Variants in NTRK3 observed in about 807,000 individuals in gnomAD.
NTRK3 encodes NT-3 growth factor receptor.
In NTRK3, 24 loss-of-function variants were observed where a neutral mutation model predicts 91.7. The observed-to-expected ratio is 0.26, with a 90% CI of 0.19 to 0.37. NTRK3 has a LOEUF of 0.37. Ranked by LOEUF, NTRK3 falls within the 10% of genes least tolerant of loss-of-function variation. The pLI, the probability that NTRK3 is intolerant of heterozygous loss-of-function variation, is 1.00. For synonymous variants in NTRK3, 483 were observed against 404.0 expected (o/e 1.20, Z -2.34); for missense variants, 880 against 1,068.9 (o/e 0.82, Z 2.46).
exon 14 of NTRK3, chr15:88,032,858 C>T (rs375986311): frequency 2.2e-5 from 36 of 1,613,598 alleles, no homozygotes; most frequent in South Asian, 1.3e-4. Context: ...AGTACTTACA[C>T]GTGTCCGGCT....
At chr15:88,183,474 T>C (rs2046689933) in exon 5 of NTRK3, 2 of 1,614,074 alleles carry the variant, frequency 1.2e-6, no homozygotes, top group African/African-American at 1.3e-5. Flanking sequence ...TCCGAAGTCC[T>C]GAGTTCTTGA....
At chr15:87,879,167 C>T (rs7167523) in intron 18 of NTRK3, among the ~76,000 whole-genome samples, 94,825 of 151,732 alleles carry the variant, frequency 0.62, 29,866 homozygotes, top group Non-Finnish European at 0.67. Context: ...TTCACTTAAT[C>T]AAGTGGTCAA....
chr15:87,908,079 C>G (rs1273988682), intron 17 of NTRK3, among the ~76,000 whole-genome samples: 1 of 152,090 alleles, frequency 6.6e-6, no homozygotes, highest in East Asian at 1.9e-4. Flanking sequence ...AGTGTAAGCA[C>G]CCAAAGTGTA....
At chr15:88,033,601 A>G (rs1324839537) in intron 13 of NTRK3, among the ~76,000 whole-genome samples, 1 of 151,984 alleles carries the variant, frequency 6.6e-6, no homozygotes, top group Non-Finnish European at 1.5e-5. Context: ...GTGAGTCATC[A>G]TGCCCGGCCC....
chr15:87,939,190 C>T (rs566466285), intron 15 of NTRK3, among the ~76,000 whole-genome samples: 1 of 152,170 alleles, frequency 6.6e-6, no homozygotes, highest in African/African-American at 2.4e-5. Flanking sequence ...TGTCATGTAT[C>T]TAAGCACATT....
rs2051650716 is a variant in NTRK3 at position 88,235,680 on chromosome 15, C to T, written c.248+20226G>A. Reference sequence around the variant, plus strand: ...CAGTGTCACAGAGAAGAAGGGAGCTCTGAGAGGACCCTAGGGGGATGTCCT... The same window carrying T: ...CAGTGTCACAGAGAAGAAGGGAGCTTTGAGAGGACCCTAGGGGGATGTCCT... On this transcript the variant is annotated intron_variant, in intron 3 of 18. Coordinates refer to ENST00000394480, the Ensembl canonical transcript of NTRK3. This position sits in a 1 kb window ranked among gnomAD's most constrained non-coding sequence, Gnocchi z 5.2. 1.3e-5 allele frequency among the ~76,000 whole-genome samples: 2 copies of T among 152,160 alleles called. 1 individual carries two copies. The highest frequency in any genetic ancestry group is 1.3e-4 in the Admixed American group (2 of 15,286).
chr15:88,096,288 C>G (rs1457700201), intron 13 of NTRK3, among the ~76,000 whole-genome samples: 1 of 152,212 alleles, frequency 6.6e-6, no homozygotes, highest in African/African-American at 2.4e-5. Context: ...CCCAGCATCC[C>G]TCCATCATTT....
At chr15:87,975,986 C>G (rs2073682289) in intron 14 of NTRK3, among the ~76,000 whole-genome samples, 1 of 152,172 alleles carries the variant, frequency 6.6e-6, no homozygotes, top group South Asian at 2.1e-4. Context: ...AATGCTATCC[C>G]TTCCTCCTGA....
intron 13 of NTRK3, among the ~76,000 whole-genome samples, chr15:88,117,559 C>T (rs971826905): frequency 3.3e-5 from 5 of 152,224 alleles, no homozygotes; most frequent in African/African-American, 1.2e-4. Flanking sequence ...CTTCGTGGAC[C>T]TGTGACCTGA....
At chr15:87,954,209 G>C (rs2071443634) in intron 14 of NTRK3, among the ~76,000 whole-genome samples, 1 of 152,110 alleles carries the variant, frequency 6.6e-6, no homozygotes, top group Non-Finnish European at 1.5e-5. Flanking sequence ...GCCAGCCCTT[G>C]GGCTCTCTTT....
At chr15:88,226,137 A>T (rs994156053) in intron 3 of NTRK3, among the ~76,000 whole-genome samples, 3 of 152,186 alleles carry the variant, frequency 2.0e-5, no homozygotes, top group Non-Finnish European at 2.9e-5. Context: ...CAGTTTCCTC[A>T]TCTGTAGAAT....
intron 15 of NTRK3, among the ~76,000 whole-genome samples, chr15:87,936,309 C>A (rs1175717481): frequency 6.6e-6 from 1 of 152,176 alleles, no homozygotes; most frequent in Non-Finnish European, 1.5e-5. Flanking sequence ...CTTCTTCTCT[C>A]CCTCTCTTTC....
intron 3 of NTRK3, among the ~76,000 whole-genome samples, chr15:88,194,330 C>T (rs947542423): frequency 1.3e-5 from 2 of 152,242 alleles, no homozygotes; most frequent in Non-Finnish European, 2.9e-5. Flanking sequence ...CTCTGAGCGC[C>T]GTCCTTGTGC....
chr15:87,980,335 ATG>A (rs138722834), intron 14 of NTRK3, among the ~76,000 whole-genome samples: 22 of 142,100 alleles, frequency 1.5e-4, no homozygotes, highest in East Asian at 1.1e-3. Context: ...GTGCATTTGC[ATG>A]TGTGTGTGTT....
chr15:88,104,898 A>T (rs76325579), intron 13 of NTRK3, among the ~76,000 whole-genome samples: 4 of 152,354 alleles, frequency 2.6e-5, no homozygotes, highest in Non-Finnish European at 5.9e-5. Context: ...TGTTTAGAAG[A>T]CAGAGCACCC....
intron 5 of NTRK3, among the ~76,000 whole-genome samples, chr15:88,179,074 A>G (rs1280420473): frequency 6.6e-6 from 1 of 152,224 alleles, no homozygotes; most frequent in Non-Finnish European, 1.5e-5. Flanking sequence ...GTTTGCATCT[A>G]TGAAATGGGA....
chr15:88,122,201 T>C (rs2052788036), intron 13 of NTRK3, among the ~76,000 whole-genome samples: 1 of 152,234 alleles, frequency 6.6e-6, no homozygotes, highest in South Asian at 2.1e-4. Flanking sequence ...TCTGTGTGTC[T>C]ACATATGGAT....
At chr15:87,914,633 T>C (rs780830803) in intron 17 of NTRK3, among the ~76,000 whole-genome samples, 21 of 152,236 alleles carry the variant, frequency 1.4e-4, no homozygotes, top group Non-Finnish European at 2.2e-4. Flanking sequence ...AGGGAACTTA[T>C]GCTTTATTGA....
chr15:88,009,704 T>C (rs1463184351), intron 14 of NTRK3, among the ~76,000 whole-genome samples: 1 of 152,194 alleles, frequency 6.6e-6, no homozygotes. Flanking sequence ...GCAGATATGA[T>C]GTTAAATGAC....
Sources: gnomAD v4.1 joint callset for allele counts (sites outside exome capture counted in the v4.1 genomes callset) on GRCh38, gnomAD v4.1.1 for gene constraint, Gnocchi (gnomAD v3.1) non-coding constraint, MANE v1.5 for transcripts, NCBI Gene and HGNC (gene_info 2026-07-23, HGNC 2026-07-21) for gene names.